MAP2K5: variants seen among roughly 807,000 people sequenced by gnomAD.
MAP2K5 encodes the protein mitogen-activated protein kinase kinase 5, also known as dual specificity mitogen-activated protein kinase kinase 5.
Under a neutral mutation model 83.1 loss-of-function variants are expected in MAP2K5, and 49 were observed. The ratio of observed to expected loss-of-function variants is 0.59; its 90% CI spans 0.47 to 0.75. The LOEUF is 0.75. Among genes scored for constraint, MAP2K5 ranks in the 30% least tolerant of loss-of-function variants. The pLI is 0.00. For synonymous variants in MAP2K5, 202 were observed against 191.8 expected, an observed-to-expected ratio of 1.05 and a Z score of -0.44; for missense variants, 457 against 557.5, an observed-to-expected ratio of 0.82 and a Z score of 1.82.
intron 8 of MAP2K5, among the ~76,000 whole-genome samples, chr15:67,622,392 G>A (rs558519337): frequency 1.3e-5 from 2 of 152,230 alleles, no homozygotes; most frequent in African/African-American, 4.8e-5. Flanking sequence ...GATCAGTGAG[G>A]TAACTAACCA....
In MAP2K5 at chr15:67,636,246, A is replaced by C. The variant is rs1453508033; in HGVS notation, c.585+5319A>C. Among the ~76,000 whole-genome samples the C allele has an allele frequency of 6.6e-6, 1 of 152,128 alleles. No individual in the cohort carries two copies. The highest frequency in any genetic ancestry group is 1.5e-5 in the Non-Finnish European group (1 of 68,030). On this transcript the variant is annotated intron_variant, in intron 9 of 21. Transcript: ENST00000178640. This position sits in a 1 kb window ranked among gnomAD's most constrained non-coding sequence, Gnocchi z 4.7. ...ACACGGTGAAACCCCATTTCTACTA[A>C]AAATACAAAAAATTAGCTGGCCGTG...
At chr15:67,670,020 A>C (rs891704664) in intron 13 of MAP2K5, among the ~76,000 whole-genome samples, 9 of 152,188 alleles carry the variant, frequency 5.9e-5, no homozygotes, top group African/African-American at 1.7e-4. Context: ...TATTCATAAT[A>C]GCTCCAAACT....
chr15:67,771,238 A>AT (rs900917453), intron 20 of MAP2K5, among the ~76,000 whole-genome samples: 1 of 151,606 alleles, frequency 6.6e-6, no homozygotes, highest in African/African-American at 2.4e-5. Context: ...AAATGCAAAA[A>AT]TTGAAACACA....
At chr15:67,804,735 G>A (rs754977532) in intron 21 of MAP2K5, among the ~76,000 whole-genome samples, 2 of 152,200 alleles carry the variant, frequency 1.3e-5, no homozygotes, top group African/African-American at 2.4e-5. Context: ...GGAGGGGCCC[G>A]TCACTCGTGA....
intron 20 of MAP2K5, among the ~76,000 whole-genome samples, chr15:67,772,233 G>A (rs146905808): frequency 2.0e-5 from 3 of 151,858 alleles, no homozygotes; most frequent in African/African-American, 7.3e-5. Flanking sequence ...CTTGTCATTC[G>A]GAGTAACAGT....
intron 21 of MAP2K5, among the ~76,000 whole-genome samples, chr15:67,804,998 C>T (rs2090774498): frequency 6.6e-6 from 1 of 152,206 alleles, no homozygotes; most frequent in Admixed American, 6.5e-5. Flanking sequence ...CCAGCCTGGC[C>T]TCCATGGCCC....
chr15:67,607,529 A>C (rs1312885953), intron 8 of MAP2K5, among the ~76,000 whole-genome samples: 1 of 152,188 alleles, frequency 6.6e-6, no homozygotes, highest in Non-Finnish European at 1.5e-5. Flanking sequence ...TATTATTGGC[A>C]TCCAGCCAAC....
In MAP2K5 at chr15:67,769,613, C is replaced by T; in HGVS notation, c.1146C>T (p.Val382=). Residue 382 remains valine, a synonymous_variant, in exon 20 of 22, where the codon GTC becomes GTT. Transcript: ENST00000178640. This position sits in a 1 kb window ranked among gnomAD's most constrained non-coding sequence, Gnocchi z 5.2. ...LQCIVDEDSP[V]LPVGEFSEPF... is the part of the protein sequence containing the mutation. The stretch of plus-strand genomic sequence containing the variant: ...TTCCTCCATCACAGGATTCGCCCGT[C>T]CTTCCAGTTGGAGAGTTCTCGGAGC... 1 of 1,613,796 alleles carries T rather than the reference C, an allele frequency of 6.2e-7. No homozygotes were observed. The highest frequency in any genetic ancestry group is 8.5e-7 in the Non-Finnish European group (1 of 1,179,772).
At chr15:67,594,685 G>C (rs2085486880) in intron 7 of MAP2K5, among the ~76,000 whole-genome samples, 1 of 152,116 alleles carries the variant, frequency 6.6e-6, no homozygotes, top group African/African-American at 2.4e-5. Flanking sequence ...GTCCTGGCAA[G>C]GATTTTTGAC....
At position 67,630,940 on chromosome 15, in the gene MAP2K5, T is replaced by C. The variant is rs1477052621; in HGVS notation, c.585+13T>C. The C allele has an allele frequency of 6.3e-7, 1 of 1,590,746 alleles. No individual in the cohort carries two copies. Among genetic ancestry groups the C allele is most frequent in the Non-Finnish European group, 8.6e-7 (1 of 1,162,334 alleles). ...ATTAGCTGTAAAGGTAAGTACTGGA[T>C]ACATTTTATGAAATTCTTGATGTTC... is the stretch of plus-strand genomic sequence containing the variant. On this transcript the variant is annotated intron_variant, in intron 9 of 21. Transcript: ENST00000178640.
At chr15:67,734,659 A>G (rs1331196624) in intron 17 of MAP2K5, among the ~76,000 whole-genome samples, 1 of 152,190 alleles carries the variant, frequency 6.6e-6, no homozygotes, top group Admixed American at 6.5e-5. Flanking sequence ...AGATATCATT[A>G]TCTTATTTAT....
intron 15 of MAP2K5, among the ~76,000 whole-genome samples, chr15:67,697,709 G>A (rs2088301506): frequency 6.6e-6 from 1 of 152,052 alleles, no homozygotes; most frequent in Non-Finnish European, 1.5e-5. Context: ...GTGTTTCAAG[G>A]TATAGACAGC....
At position 67,748,331 on chromosome 15, in the gene MAP2K5, C is replaced by A; in HGVS notation, c.1101+74C>A. ...GCTGCTTCCTTTGCATGCTTGAATG[C>A]CTTGTTTTAAACTTAGCAAATTGCA... is the stretch of plus-strand genomic sequence containing the variant. On this transcript the variant is annotated intron_variant, in intron 18 of 21. Coordinates refer to ENST00000178640, the MANE Select transcript of MAP2K5 (RefSeq NM_145160.3). The surrounding 1 kb of genome is among the most constrained non-coding windows in gnomAD (Gnocchi z 4.0). 2.3e-6 allele frequency: 3 copies of A among 1,301,588 alleles called. No homozygotes were observed. Among genetic ancestry groups the A allele is most frequent in the Non-Finnish European group, 3.3e-6 (3 of 902,632 alleles). 80.6% of individuals were successfully genotyped at this position (1,301,588 alleles called of 1,614,324 possible).
chr15:67,670,949 C>G (rs993402990), intron 13 of MAP2K5, among the ~76,000 whole-genome samples: 7 of 152,186 alleles, frequency 4.6e-5, no homozygotes, highest in African/African-American at 1.4e-4. Context: ...GCAGAGCTGA[C>G]TTAACCTGTT....
chr15:67,594,232 C>G (rs910120551), intron 7 of MAP2K5, among the ~76,000 whole-genome samples: 25 of 152,168 alleles, frequency 1.6e-4, no homozygotes, highest in African/African-American at 5.1e-4. Context: ...TAACTTTCAG[C>G]AGCCAAAGGT....
intron 17 of MAP2K5, among the ~76,000 whole-genome samples, chr15:67,739,234 C>T (rs1180859971): frequency 2.7e-5 from 4 of 145,900 alleles, no homozygotes; most frequent in Non-Finnish European, 3.0e-5. Flanking sequence ...GAGCCATGAT[C>T]GTGCCACTGC....
intron 9 of MAP2K5, among the ~76,000 whole-genome samples, chr15:67,633,411 A>G (rs1378831479): frequency 6.6e-6 from 1 of 152,250 alleles, no homozygotes; most frequent in African/African-American, 2.4e-5. Context: ...TGCAAAGTAC[A>G]TTATACATTT....
intron 1 of MAP2K5, among the ~76,000 whole-genome samples, chr15:67,547,322 A>G (rs1351473711): frequency 1.3e-5 from 2 of 152,128 alleles, no homozygotes; most frequent in Non-Finnish European, 2.9e-5. Context: ...TGTGATCTTT[A>G]TGCTCGTGGC....
intron 21 of MAP2K5, among the ~76,000 whole-genome samples, chr15:67,788,033 G>C (rs1184007857): frequency 6.6e-6 from 1 of 152,204 alleles, no homozygotes; most frequent in Non-Finnish European, 1.5e-5. Context: ...CCGTCCTAAG[G>C]TGTGGAGACT....
Sources: allele counts gnomAD v4.1 joint callset (sites outside exome capture counted in the v4.1 genomes callset), GRCh38; gene constraint gnomAD v4.1.1; non-coding constraint Gnocchi (gnomAD v3.1); transcripts MANE v1.5; gene names NCBI Gene and HGNC (gene_info 2026-07-23, HGNC 2026-07-21).